The following GABRB3 variants were observed in gnomAD, a reference collection of about 807,000 sequenced individuals.
GABRB3 encodes the protein gamma-aminobutyric acid type A receptor subunit beta3, also known as gamma-aminobutyric acid receptor subunit beta-3.
GABRB3 carries 14 observed loss-of-function variants against 52.1 expected under a neutral mutation model. The ratio of observed to expected loss-of-function variants is 0.27; its 90% confidence interval spans 0.18 to 0.42. GABRB3 has a LOEUF of 0.42. Ranked by LOEUF, GABRB3 falls within the 10% of genes least tolerant of loss-of-function variation. The pLI is 1.00. For missense variants in GABRB3, 307 were observed against 609.1 expected (o/e 0.50, Z 5.22); for synonymous variants, 260 against 232.3 (o/e 1.12, Z -1.08).
At chr15:26,737,854 A>T (rs1890103617) in intron 3 of GABRB3, among the ~76,000 whole-genome samples, 1 of 152,116 alleles carries the variant, frequency 6.6e-6, no homozygotes, top group African/African-American at 2.4e-5. Flanking sequence ...GAAGACATGA[A>T]TTTTTATTGC....
upstream of GABRB3, chr15:26,773,094 G>GT (rs1891204276): frequency 2.2e-6 from 2 of 923,736 alleles, no homozygotes; most frequent in Non-Finnish European, 2.6e-6. Context: ...GGCGGAGGGG[G>GT]AGGGGAGGAG....
At chr15:26,566,195 C>CAAAAAA (rs1479506325) in intron 7 of GABRB3, among the ~76,000 whole-genome samples, 1 of 152,014 alleles carries the variant, frequency 6.6e-6, no homozygotes, top group East Asian at 1.9e-4. Flanking sequence ...TAAAACAGCA[C>CAAAAAA]TTTCAGTTTT....
chr15:26,639,021 CA>C lies in GABRB3; in HGVS notation c.241-17488del, dbSNP rs1893127729. Among the ~76,000 whole-genome samples the C allele has an allele frequency of 2.0e-5, 3 of 151,894 alleles. No individual in the cohort carries two copies. In the South Asian group the frequency reaches 6.2e-4, roughly 32 times the overall value. The stretch of plus-strand genomic sequence containing the variant: ...CTGCAAACCGTTTCAAGAGGGTCTC[CA>C]AAAAGCCATCAATGTCATGTCAACA... On this transcript the variant is annotated intron_variant, in intron 3 of 8. Coordinates refer to ENST00000311550, the MANE Select transcript of GABRB3 (RefSeq NM_000814.6).
intron 3 of GABRB3, among the ~76,000 whole-genome samples, chr15:26,736,691 C>T (rs1000649381): frequency 1.3e-5 from 2 of 152,356 alleles, no homozygotes; most frequent in Middle Eastern, 3.4e-3. Context: ...CATAGGGTAG[C>T]TTTGTGACCT....
Position 26,580,224 on chromosome 15 carries a change from C to T in GABRB3, c.682+95G>A. The T allele has an allele frequency of 4.3e-6, 6 of 1,398,388 alleles. No individual in the cohort carries two copies. The South Asian group carries it at 7.0e-5, about 16-fold the overall frequency. 86.6% of individuals were successfully genotyped at this position (1,398,388 alleles called of 1,614,324 possible). On this transcript the variant is annotated intron_variant, in intron 6 of 8. Coordinates refer to ENST00000311550, the MANE Select transcript of GABRB3 (RefSeq NM_000814.6). ...GATAACAGCACTCCTTCCGATGATC[C>T]TGTGCTGTGAGTCTATGGCAGCACA...
chr15:26,600,804 A>G (rs117339068), intron 4 of GABRB3, among the ~76,000 whole-genome samples: 6,073 of 152,344 alleles, frequency 0.04, 180 homozygotes, highest in Non-Finnish European at 0.063. Context: ...ACTCAATGAT[A>G]TAAGTAAAAC....
intron 8 of GABRB3, among the ~76,000 whole-genome samples, chr15:26,553,078 T>G (rs1889540623): frequency 6.6e-6 from 1 of 152,250 alleles, no homozygotes; most frequent in African/African-American, 2.4e-5. Flanking sequence ...AATGGTAAGC[T>G]TATATGTTTA....
chr15:26,757,246 G>A (rs1238951948), intron 3 of GABRB3, among the ~76,000 whole-genome samples: 1 of 152,068 alleles, frequency 6.6e-6, no homozygotes, highest in Non-Finnish European at 1.5e-5. Context: ...CTAAGTGTCA[G>A]CTCCCCAGGC....
intron 4 of GABRB3, among the ~76,000 whole-genome samples, chr15:26,603,666 C>T (rs1891667750): frequency 6.6e-6 from 1 of 151,984 alleles, no homozygotes; most frequent in South Asian, 2.1e-4. Flanking sequence ...GAATGAAGGA[C>T]AAAAACTATA....
In GABRB3 at chr15:26,772,924, G is replaced by C; in HGVS notation, c.39C>G (p.Phe13Leu). The change falls in exon 1 of 9, where the codon TTC becomes TTG. Residue 13 changes from phenylalanine (F) to leucine (L), a missense_variant. Phe to Leu is a conservative substitution (Grantham distance 22). Around this residue, in one of 6 missense-constraint regions of GABRB3, gnomAD observed 90 missense variants for 86.4 expected, o/e 1.04. Coordinates refer to ENST00000311550, the MANE Select transcript of GABRB3 (RefSeq NM_000814.6). ...GLAGGRLFGI[F>L]SAPVLVAVVC... ...CCACAGCCACCAGCACCGGGGCCGA[G>C]AAGATGCCGAAAAGCCTTCCTCCCG... is the stretch of plus-strand genomic sequence containing the variant. 6.7e-7 allele frequency: 1 copy of C among 1,493,722 alleles called. No individual in the cohort carries two copies. The highest frequency in any genetic ancestry group is 8.9e-7 in the Non-Finnish European group (1 of 1,120,180). 92.5% of individuals were successfully genotyped at this position (1,493,722 alleles called of 1,614,324 possible).
At chr15:26,598,800 G>A (rs1316009222) in intron 4 of GABRB3, among the ~76,000 whole-genome samples, 3 of 152,274 alleles carry the variant, frequency 2.0e-5, no homozygotes, top group East Asian at 3.9e-4. Flanking sequence ...AAGAGGCAGA[G>A]GTCATAGTCA....
At chr15:26,667,788 G>T (rs1412814601) in intron 3 of GABRB3, among the ~76,000 whole-genome samples, 1 of 152,102 alleles carries the variant, frequency 6.6e-6, no homozygotes, top group Non-Finnish European at 1.5e-5. Flanking sequence ...TCTGGGGCTG[G>T]GATGCAGCCA....
At chr15:26,715,298 C>T (rs2140135073) in intron 3 of GABRB3, among the ~76,000 whole-genome samples, 1 of 152,250 alleles carries the variant, frequency 6.6e-6, no homozygotes, top group South Asian at 2.1e-4. Context: ...TTATTCAAAG[C>T]TGCCATTTCC....
chr15:26,616,677 A>T (rs1892269712), intron 4 of GABRB3, among the ~76,000 whole-genome samples: 1 of 151,820 alleles, frequency 6.6e-6, no homozygotes, highest in Non-Finnish European at 1.5e-5. Context: ...GGCATGATGG[A>T]TATAAATTTG....
At chr15:26,720,233 CACTG>C (rs1429930838) in intron 3 of GABRB3, among the ~76,000 whole-genome samples, 1 of 152,054 alleles carries the variant, frequency 6.6e-6, no homozygotes, top group Non-Finnish European at 1.5e-5. Context: ...CATCTCCCTT[CACTG>C]ACTCTCTTTT....
intron 7 of GABRB3, 122 bp downstream of exon 7, chr15:26,567,459 T>C (rs1313555115): frequency 6.9e-6 from 6 of 874,112 alleles, no homozygotes; most frequent in Non-Finnish European, 1.1e-5. Context: ...AAAGTGACTA[T>C]ACAGGCAATG....
chr15:26,764,551 G>C (rs1392477314), intron 3 of GABRB3, among the ~76,000 whole-genome samples: 1 of 151,962 alleles, frequency 6.6e-6, no homozygotes, highest in African/African-American at 2.4e-5. Flanking sequence ...TTCTGGATGT[G>C]GTCTCCTGAC....
At chr15:26,699,537 G>A (rs1373115316) in intron 3 of GABRB3, among the ~76,000 whole-genome samples, 1 of 148,310 alleles carries the variant, frequency 6.7e-6, no homozygotes, top group African/African-American at 2.5e-5. Context: ...AATTAGCAAA[G>A]ACATTTTAAA....
chr15:26,635,007 T>TAC (rs1893015599), intron 3 of GABRB3, among the ~76,000 whole-genome samples: 2 of 6,146 alleles, frequency 3.3e-4, no homozygotes, highest in Non-Finnish European at 1.2e-3. Flanking sequence ...TATATATATA[T>TAC]ATAATATATA....
Sources: gnomAD v4.1 joint callset for allele counts (sites outside exome capture counted in the v4.1 genomes callset) on GRCh38, gnomAD v4.1.1 for gene constraint, gnomAD v4.1.1 regional missense constraint, MANE v1.5 for transcripts, NCBI Gene and HGNC (gene_info 2026-07-23, HGNC 2026-07-21) for gene names.